CACNA1A: variants seen among roughly 807,000 people sequenced by gnomAD.
CACNA1A encodes calcium voltage-gated channel subunit alpha1 A.
A neutral mutation model predicts 262.4 loss-of-function variants in CACNA1A; 57 were observed. The ratio of observed to expected loss-of-function variants is 0.22; its 90% confidence interval spans 0.18 to 0.27. The LOEUF (loss-of-function observed/expected upper bound fraction) is 0.27. Ranked by LOEUF, CACNA1A falls within the 10% of genes least tolerant of loss-of-function variation. The pLI is 1.00. For synonymous variants in CACNA1A, 1,431 were observed against 1,419.3 expected, an observed-to-expected ratio of 1.01 and a Z score of -0.18; for missense variants, 2,526 against 3,562.8, an observed-to-expected ratio of 0.71 and a Z score of 7.41.
In CACNA1A at chr19:13,366,636, C is replaced by T. The variant is rs192963336; in HGVS notation, c.632-1167G>A. 2.8e-3 allele frequency among the ~76,000 whole-genome samples: 428 copies of T among 152,252 alleles called. 2 individuals carry two copies. Among genetic ancestry groups the T allele is most frequent in the Non-Finnish European group, 5.1e-3 (346 of 68,014 alleles). On this transcript the variant is annotated intron_variant, in intron 4 of 46. Transcript: ENST00000360228. ...TAATAAAGGTATTTGACATGCTGTT[C>T]CATTTGATGATCTTTTGGGCAAGAA...
At chr19:13,422,389 C>G (rs7251951) in intron 3 of CACNA1A, among the ~76,000 whole-genome samples, 6 of 151,998 alleles carry the variant, frequency 3.9e-5, no homozygotes, top group African/African-American at 1.5e-4. Flanking sequence ...GGCCAGATGA[C>G]GCAGGGTCTC....
At chr19:13,238,678 C>T (rs2055963809) in intron 31 of CACNA1A, among the ~76,000 whole-genome samples, 1 of 152,030 alleles carries the variant, frequency 6.6e-6, no homozygotes, top group African/African-American at 2.4e-5. Flanking sequence ...CTCCACCTCC[C>T]AGGTTTAAGT....
chr19:13,339,161 G>A (rs1402028118), intron 6 of CACNA1A, among the ~76,000 whole-genome samples: 1 of 152,096 alleles, frequency 6.6e-6, no homozygotes, highest in African/African-American at 2.4e-5. Flanking sequence ...ACTGAGCCCG[G>A]CAGAAGTTTT....
intron 6 of CACNA1A, among the ~76,000 whole-genome samples, chr19:13,342,174 G>C (rs544774741): frequency 2.0e-5 from 3 of 151,920 alleles, no homozygotes; most frequent in African/African-American, 7.2e-5. Flanking sequence ...GGAAGGCTGG[G>C]TGCAGTTTTG....
chr19:13,479,981 T>C lies in CACNA1A; in HGVS notation c.294-24769A>G, dbSNP rs549838969. Reference sequence around the variant, plus strand: ...TTGCCTGTAGCTGCCTTTGCTATAATGGCAGAGTAGAGTGGTCCCAAAGAG... The same window carrying C: ...TTGCCTGTAGCTGCCTTTGCTATAACGGCAGAGTAGAGTGGTCCCAAAGAG... On this transcript the variant is annotated intron_variant, in intron 1 of 46. Coordinates refer to ENST00000360228, the MANE Select transcript of CACNA1A (RefSeq NM_001127222.2). Among the ~76,000 whole-genome samples the C allele has an allele frequency of 5.3e-5, 8 of 152,366 alleles. No individual in the cohort carries two copies. In the South Asian group the frequency reaches 1.7e-3, roughly 32 times the overall value.
chr19:13,261,524 C>T lies in CACNA1A; in HGVS notation c.4176G>A (p.Val1392=), dbSNP rs1158570467. The change falls in exon 26 of 47, where the codon GTG becomes GTA. Residue 1392 remains valine (V), a synonymous_variant. Coordinates refer to ENST00000360228, the MANE Select transcript of CACNA1A (RefSeq NM_001127222.2). The part of the protein sequence containing the change: ...VYMLFMFIFA[V]VAVQLFKGKF... ...TCCCCTTGAAGAGCTGCACAGCCAC[C>T]ACGGCGAAGATGAACATGAATAGCA... 7 of 1,600,438 alleles carry T rather than the reference C, an allele frequency of 4.4e-6. No individual in the cohort carries two copies. The highest frequency in any genetic ancestry group is 1.7e-5 in the Admixed American group (1 of 57,288).
intron 3 of CACNA1A, among the ~76,000 whole-genome samples, chr19:13,418,100 G>T (rs951170270): frequency 6.6e-6 from 1 of 152,024 alleles, no homozygotes; most frequent in African/African-American, 2.4e-5. Flanking sequence ...TTTGAATCCT[G>T]GCTCTGCCAC....
chr19:13,334,582 T>C (rs1166325947), intron 7 of CACNA1A, 89 bp from the exon 8 acceptor site: 8 of 671,592 alleles, frequency 1.2e-5, no homozygotes, highest in Non-Finnish European at 2.1e-5. Context: ...TGTGTGTGTG[T>C]GTGTGTGTGT....
At position 13,371,357 on chromosome 19, in the gene CACNA1A, C is replaced by T. The variant is rs192509511; in HGVS notation, c.631+331G>A. 2.1e-4 allele frequency: 47 copies of T among 224,194 alleles called. 1 individual carries two copies. The East Asian group carries it at 3.7e-3, about 18-fold the overall frequency. 13.9% of individuals were successfully genotyped at this position (224,194 alleles called of 1,614,324 possible). A position where few individuals can be genotyped will look rare whatever the true frequency, so the allele number is the denominator to read the frequency against. ...CTCCAATGTTTCAGCCACTCTGAGC[C>T]TCAGTTTCCCCCTCCATAAAATAGA... is the stretch of plus-strand genomic sequence containing the variant. On this transcript the variant is annotated intron_variant, in intron 4 of 46. Transcript: ENST00000360228.
chr19:13,377,512 G>A (rs184104617), intron 3 of CACNA1A, among the ~76,000 whole-genome samples: 210 of 151,218 alleles, frequency 1.4e-3, no homozygotes, highest in South Asian at 0.011. Flanking sequence ...ACAGTCATAC[G>A]CCACCATGCC....
intron 1 of CACNA1A, among the ~76,000 whole-genome samples, chr19:13,469,288 T>C (rs2061305887): frequency 6.6e-6 from 1 of 152,136 alleles, no homozygotes; most frequent in South Asian, 2.1e-4. Context: ...AATTTCCCTG[T>C]GGAGAGACCA....
chr19:13,465,970 G>A (rs1418212113), intron 1 of CACNA1A, among the ~76,000 whole-genome samples: 1 of 152,160 alleles, frequency 6.6e-6, no homozygotes, highest in East Asian at 1.9e-4. Flanking sequence ...GAGACAGAAT[G>A]CAGATGGGTG....
Position 13,209,331 on chromosome 19 carries a change from G to A in CACNA1A, c.6507C>T (p.Arg2169=). The A allele has an allele frequency of 7.2e-7, 1 of 1,397,746 alleles. No individual in the cohort carries two copies. Among genetic ancestry groups the A allele is most frequent in the Non-Finnish European group, 9.3e-7 (1 of 1,071,770 alleles). 86.6% of individuals were successfully genotyped at this position (1,397,746 alleles called of 1,614,324 possible). A position where few individuals can be genotyped will look rare whatever the true frequency, so the allele number is the denominator to read the frequency against. Residue 2169 remains arginine (R), a synonymous_variant, in exon 45 of 47, where the codon CGC becomes CGT. Coordinates refer to ENST00000360228, the MANE Select transcript of CACNA1A (RefSeq NM_001127222.2). ...SHRASERSLG[R]YTDVDTGLGT... ...GCCCACCTGTGTCCACATCGGTGTA[G>A]CGGCCCAGGGAGCGCTCAGAGGCGC...
chr19:13,346,706 G>T (rs1488675419), intron 6 of CACNA1A, among the ~76,000 whole-genome samples: 1 of 83,160 alleles, frequency 1.2e-5, no homozygotes, highest in Admixed American at 1.7e-4. Flanking sequence ...TTGAGACAGA[G>T]TCTTGCTCTG....
chr19:13,334,606 T>C, intron 7 of CACNA1A, 113 bp from the exon 8 acceptor site: 1 of 637,026 alleles, frequency 1.6e-6, no homozygotes. Flanking sequence ...TGTGTGTGTG[T>C]GTGTTTGGGG....
intron 10 of CACNA1A, among the ~76,000 whole-genome samples, chr19:13,323,996 C>G (rs72995575): frequency 0.072 from 10,974 of 152,122 alleles, 824 homozygotes; most frequent in East Asian, 0.36. Context: ...ACTAAGTGTC[C>G]CACAATGGAT....
Position 13,233,998 on chromosome 19 carries a change from C to T in CACNA1A, c.5249+923G>A, listed in dbSNP as rs144768211. On this transcript the variant is annotated intron_variant, in intron 34 of 46. Transcript: ENST00000360228. ...TCCACAAGAGGAGCTTGCAGTGAGCCGAGATGGCGCCACTGCACTCCAGCC... is the reference window on the plus strand; with the variant it reads ...TCCACAAGAGGAGCTTGCAGTGAGCTGAGATGGCGCCACTGCACTCCAGCC... Among the ~76,000 whole-genome samples, 614 of 147,378 alleles carry T rather than the reference C, an allele frequency of 4.2e-3. 4 individuals are homozygous for T. The highest frequency in any genetic ancestry group is 0.01 in the African/African-American group (407 of 39,698).
intron 5 of CACNA1A, among the ~76,000 whole-genome samples, chr19:13,360,079 C>T (rs1024492208): frequency 7.4e-5 from 11 of 149,262 alleles, no homozygotes; most frequent in Non-Finnish European, 1.2e-4. Flanking sequence ...GGATTAACTG[C>T]CTTTAAGGCT....
intron 34 of CACNA1A, among the ~76,000 whole-genome samples, chr19:13,233,722 C>A (rs1447722602): frequency 6.6e-6 from 1 of 152,100 alleles, no homozygotes; most frequent in Non-Finnish European, 1.5e-5. Context: ...AACTCCTGGG[C>A]TAAAGCGATC....
Sources: allele counts gnomAD v4.1 joint callset (sites outside exome capture counted in the v4.1 genomes callset), GRCh38; gene constraint gnomAD v4.1.1; transcripts MANE v1.5; gene names NCBI Gene and HGNC (gene_info 2026-07-23, HGNC 2026-07-21).